The following SORD variants were observed in gnomAD, a reference collection of about 807,000 sequenced individuals.
The protein encoded by SORD is (R,R)-butanediol dehydrogenase.
A neutral mutation model predicts 35.6 loss-of-function variants in SORD; 18 were observed. The ratio of observed to expected loss-of-function variants is 0.51; its 90% CI spans 0.35 to 0.75. The LOEUF (loss-of-function observed/expected upper bound fraction) is 0.75. Ranked by LOEUF, SORD falls within the 30% of genes least tolerant of loss-of-function variation. The pLI, the probability that SORD is intolerant of heterozygous loss-of-function variation, is 0.01. For synonymous variants in SORD, 106 were observed against 152.9 expected (o/e 0.69, Z 2.26); for missense variants, 250 against 390.2 (o/e 0.64, Z 3.03).
chr15:45,059,364 C>CA (rs377649917), intron 3 of SORD, among the ~76,000 whole-genome samples: 166 of 141,818 alleles, frequency 1.2e-3, no homozygotes, highest in East Asian at 5.9e-3. Flanking sequence ...GAAACATGCA[C>CA]AAAAAAAAAA....
intron 3 of SORD, among the ~76,000 whole-genome samples, chr15:45,052,281 T>C (rs980848854): frequency 2.3e-4 from 35 of 152,276 alleles, no homozygotes; most frequent in African/African-American, 8.4e-4. Flanking sequence ...GCCTCAAACA[T>C]AAGGATTGAA....
chr15:45,048,875 C>T (rs182046182), intron 3 of SORD, among the ~76,000 whole-genome samples: 10 of 152,300 alleles, frequency 6.6e-5, no homozygotes, highest in Admixed American at 3.9e-4. Flanking sequence ...TAGCTGCCTA[C>T]GTAACTTCCC....
chr15:45,036,210 GT>G (rs2141266615), intron 1 of SORD: 1 of 402,718 alleles, frequency 2.5e-6, no homozygotes, highest in South Asian at 1.8e-5. Context: ...CAATGCGAGG[GT>G]CCGCAGCTTC....
intron 1 of SORD, chr15:45,036,361 C>G: frequency 2.2e-6 from 1 of 455,930 alleles, no homozygotes; most frequent in Non-Finnish European, 4.4e-6. Flanking sequence ...AAGAATTACT[C>G]AATTCCTTTT....
chr15:45,051,270 T>G (rs191161183), intron 3 of SORD, among the ~76,000 whole-genome samples: 13 of 152,344 alleles, frequency 8.5e-5, no homozygotes, highest in Admixed American at 8.5e-4. Flanking sequence ...CATTAGAATT[T>G]TAGATATTCT....
chr15:45,072,211 C>G, intron 7 of SORD, 106 bp from the exon 8 acceptor site: 1 of 281,440 alleles, frequency 3.6e-6, no homozygotes, highest in South Asian at 2.9e-5. Context: ...TTTGGATGCT[C>G]AGCTGATGCA....
intron 7 of SORD, among the ~76,000 whole-genome samples, chr15:45,071,112 G>A (rs1022368395): frequency 6.6e-6 from 1 of 152,228 alleles, no homozygotes; most frequent in Admixed American, 6.5e-5. Flanking sequence ...CGTGGCAGAT[G>A]CCTTGGGGTA....
chr15:45,030,603 A>T (rs896552113), intron 1 of SORD, among the ~76,000 whole-genome samples: 2 of 152,288 alleles, frequency 1.3e-5, no homozygotes, highest in Admixed American at 6.5e-5. Context: ...AGACTAGAGC[A>T]TCTGACAAAG....
chr15:45,037,041 C>T (rs963770645), intron 1 of SORD, among the ~76,000 whole-genome samples: 1 of 152,216 alleles, frequency 6.6e-6, no homozygotes, highest in Non-Finnish European at 1.5e-5. Context: ...TACAAACCTA[C>T]AGGCTGATGT....
chr15:45,027,076 G>A (rs902860446), intron 1 of SORD, among the ~76,000 whole-genome samples: 1 of 152,264 alleles, frequency 6.6e-6, no homozygotes, highest in Admixed American at 6.5e-5. Context: ...TGGTAAGTCA[G>A]ACACACACTA....
At chr15:45,026,544 C>G (rs747901678) in intron 1 of SORD, among the ~76,000 whole-genome samples, 1 of 148,620 alleles carries the variant, frequency 6.7e-6, no homozygotes, top group African/African-American at 2.6e-5. Flanking sequence ...AAACTGTGGC[C>G]GATTTAGGTA....
In SORD at chr15:45,072,980, C is replaced by T. The variant is rs1463243360; in HGVS notation, c.909-385C>T. On this transcript the variant is annotated intron_variant, in intron 8 of 8. Transcript: ENST00000267814. ...GCTTTAGAGGCTGTAACTCCATGCC[C>T]TCATCAGGGCGCCAGTTTTCCAGTA... Among the ~76,000 whole-genome samples, 3 of 134,816 alleles carry T rather than the reference C, an allele frequency of 2.2e-5. 1 individual carries two copies. Among genetic ancestry groups the T allele is most frequent in the Non-Finnish European group, 4.5e-5 (3 of 66,564 alleles). The allele number at this position is 134,816 out of a possible 152,430, so 88.4% of individuals were successfully genotyped here.
intron 3 of SORD, among the ~76,000 whole-genome samples, chr15:45,045,361 A>C (rs974962649): frequency 4.0e-5 from 6 of 151,826 alleles, no homozygotes; most frequent in African/African-American, 1.5e-4. Context: ...AATATGGTGA[A>C]ACTCTGTCTA....
At chr15:45,042,904 T>C (rs905451357) in intron 2 of SORD, among the ~76,000 whole-genome samples, 3 of 151,636 alleles carry the variant, frequency 2.0e-5, no homozygotes, top group African/African-American at 7.3e-5. Context: ...GTCTTTGCCT[T>C]TAAGACCTTC....
chr15:45,068,868 T>TA lies in SORD; in HGVS notation c.611-8dup, dbSNP rs776681615. ...AAAGAATTTTTTTTTTTTTTTTTTT[T>TA]ACCTTCAGATCTGTCTGCTACCCGA... On this transcript the variant is annotated splice_polypyrimidine_tract_variant and intron_variant, in intron 6 of 8. Coordinates refer to ENST00000267814, the MANE Select transcript of SORD (RefSeq NM_003104.6). The TA allele has an allele frequency of 7.1e-6, 9 of 1,270,852 alleles. No individual in the cohort carries two copies. In the African/African-American group the frequency reaches 1.0e-4, roughly 15 times the overall value. The allele number at this position is 1,270,852 out of a possible 1,614,324, so 78.7% of individuals were successfully genotyped here.
intron 3 of SORD, chr15:45,058,727 A>G (rs1254185676): frequency 2.6e-5 from 4 of 152,252 alleles, no homozygotes; most frequent in African/African-American, 9.6e-5. Context: ...AGCTCTCAGC[A>G]GCAGAGCAGG....
intron 3 of SORD, among the ~76,000 whole-genome samples, chr15:45,057,281 C>T (rs535871307): frequency 1.3e-5 from 2 of 151,826 alleles, no homozygotes; most frequent in Non-Finnish European, 2.9e-5. Flanking sequence ...AGGTTTTTTG[C>T]TTTTGTGATT....
chr15:45,033,061 A>AT lies in SORD; in HGVS notation c.67-7345dup, dbSNP rs1892811177. ...CCCCACCCGAAGACAGTGGGAGCAC[A>AT]TTGCACTCTTTCCACAACTGGCAGA... On this transcript the variant is annotated intron_variant, in intron 1 of 8. Transcript: ENST00000267814. Among the ~76,000 whole-genome samples the AT allele has an allele frequency of 3.3e-5, 5 of 151,992 alleles. No homozygotes were observed. In the South Asian group the frequency reaches 1.0e-3, roughly 32 times the overall value.
chr15:45,064,514 G>A (rs1463016895), intron 4 of SORD, among the ~76,000 whole-genome samples: 2 of 152,212 alleles, frequency 1.3e-5, no homozygotes, highest in African/African-American at 4.8e-5. Context: ...ACCAGTGGAA[G>A]TGAAAACCTA....
Sources: allele counts gnomAD v4.1 joint callset (sites outside exome capture counted in the v4.1 genomes callset), GRCh38; gene constraint gnomAD v4.1.1; transcripts MANE v1.5; gene names NCBI Gene and HGNC (gene_info 2026-07-23, HGNC 2026-07-21).